MARCHF1: variants seen among roughly 807,000 people sequenced by gnomAD.
The protein encoded by MARCHF1 is E3 ubiquitin-protein ligase MARCHF1.
In MARCHF1, 40 loss-of-function variants were observed where a neutral mutation model predicts 54.2. That is an observed-to-expected ratio of 0.74 (90% CI 0.57 to 0.96). The LOEUF is 0.96. Ranked by LOEUF, MARCHF1 falls within the 40% of genes least tolerant of loss-of-function variation. The pLI, the probability that MARCHF1 is intolerant of heterozygous loss-of-function variation, is 0.00. For missense variants in MARCHF1, 586 were observed against 656.5 expected (o/e 0.89, Z 1.17); for synonymous variants, 236 against 236.3 (o/e 1.00, Z 0.01).
chr4:163,780,882 T>C (rs1193623420), intron 4 of MARCHF1, among the ~76,000 whole-genome samples: 3 of 152,148 alleles, frequency 2.0e-5, no homozygotes, highest in Admixed American at 6.5e-5. Flanking sequence ...TCACACCTCA[T>C]TGACTGTTGA....
chr4:163,727,746 C>T (rs1184469499), intron 4 of MARCHF1, among the ~76,000 whole-genome samples: 2 of 152,014 alleles, frequency 1.3e-5, no homozygotes, highest in Non-Finnish European at 2.9e-5. Context: ...AATCATGGCT[C>T]ATTGCAACCT....
intron 3 of MARCHF1, among the ~76,000 whole-genome samples, chr4:163,941,753 TATATCAC>T (rs1751917146): frequency 6.6e-6 from 1 of 152,166 alleles, no homozygotes; most frequent in Non-Finnish European, 1.5e-5. Context: ...TAAGAGTGTT[TATATCAC>T]AGAGTTGTTG....
intron 1 of MARCHF1, among the ~76,000 whole-genome samples, chr4:164,151,517 G>C (rs1483672098): frequency 1.3e-5 from 2 of 152,052 alleles, no homozygotes; most frequent in Non-Finnish European, 2.9e-5. Flanking sequence ...TGTTGTACTT[G>C]TCTCAGACTA....
chr4:163,914,949 C>A (rs561827117), intron 3 of MARCHF1, among the ~76,000 whole-genome samples: 1 of 152,224 alleles, frequency 6.6e-6, no homozygotes, highest in African/African-American at 2.4e-5. Context: ...CTGGGGCATA[C>A]TGGGGCAGGG....
chr4:163,847,782 T>C (rs1393214299), intron 4 of MARCHF1, among the ~76,000 whole-genome samples: 6 of 151,958 alleles, frequency 3.9e-5, no homozygotes, highest in Non-Finnish European at 8.8e-5. Context: ...GATTTCACCA[T>C]GTTGGCCAGG....
At chr4:163,681,515 G>T (rs1744102598) in intron 5 of MARCHF1, among the ~76,000 whole-genome samples, 1 of 152,156 alleles carries the variant, frequency 6.6e-6, no homozygotes, top group African/African-American at 2.4e-5. Flanking sequence ...AAGCACCCAT[G>T]ACATATAATT....
chr4:163,768,922 T>C (rs1446797041), intron 4 of MARCHF1, among the ~76,000 whole-genome samples: 1 of 152,154 alleles, frequency 6.6e-6, no homozygotes, highest in Non-Finnish European at 1.5e-5. Flanking sequence ...AACCATTATA[T>C]GTCAAATATC....
chr4:164,247,418 G>A (rs1383803574), intron 1 of MARCHF1, among the ~76,000 whole-genome samples: 2 of 151,250 alleles, frequency 1.3e-5, no homozygotes, highest in Non-Finnish European at 2.9e-5. Flanking sequence ...GAGATCACAT[G>A]GACACAGGAA....
intron 1 of MARCHF1, among the ~76,000 whole-genome samples, chr4:164,142,329 G>C (rs1756566204): frequency 6.6e-6 from 1 of 152,140 alleles, no homozygotes; most frequent in African/African-American, 2.4e-5. Context: ...CACAGCTCAA[G>C]GAGGCCTGCC....
At chr4:163,901,761 C>T (rs1347975732) in intron 3 of MARCHF1, among the ~76,000 whole-genome samples, 2 of 152,110 alleles carry the variant, frequency 1.3e-5, no homozygotes, top group Admixed American at 6.6e-5. Flanking sequence ...TTTATGGAAA[C>T]AACCAAGGCA....
chr4:164,084,719 G>C (rs1376705437), intron 2 of MARCHF1, among the ~76,000 whole-genome samples: 1 of 82,052 alleles, frequency 1.2e-5, no homozygotes, highest in Non-Finnish European at 3.7e-5. Flanking sequence ...ACACTGCAAA[G>C]TAAGCAATGT....
chr4:164,188,609 G>C lies in MARCHF1; in HGVS notation c.-322-76947C>G, dbSNP rs115703013. 2,705 of 897,384 alleles carry C rather than the reference G, an allele frequency of 3.0e-3. 57 individuals are homozygous for C. In the African/African-American group the frequency reaches 0.038, roughly 13 times the overall value. The allele number at this position is 897,384 out of a possible 1,614,324, so 55.6% of individuals were successfully genotyped here. On this transcript the variant is annotated intron_variant, in intron 1 of 9. Transcript: ENST00000514618. ...TCTTGAAGGGGAATATCTGATCGGC[G>C]ATGCCGCCACGAACCAGCTCACCTC...
At chr4:163,745,499 G>T (rs1370007712) in intron 4 of MARCHF1, among the ~76,000 whole-genome samples, 1 of 152,110 alleles carries the variant, frequency 6.6e-6, no homozygotes, top group East Asian at 1.9e-4. Flanking sequence ...TCTGAATGAG[G>T]TCATCATGCT....
intron 1 of MARCHF1, among the ~76,000 whole-genome samples, chr4:164,379,251 G>A (rs1042404869): frequency 7.2e-5 from 11 of 152,124 alleles, no homozygotes; most frequent in Admixed American, 2.0e-4. Context: ...ACCTGTGGAT[G>A]AGCAGTATAA....
intron 2 of MARCHF1, among the ~76,000 whole-genome samples, chr4:164,035,595 G>T (rs1753975037): frequency 6.9e-6 from 1 of 144,956 alleles, no homozygotes. Flanking sequence ...GAAAATATTT[G>T]TATTTTCATG....
chr4:164,305,248 C>T (rs904973798), intron 1 of MARCHF1, among the ~76,000 whole-genome samples: 13 of 151,962 alleles, frequency 8.6e-5, no homozygotes, highest in East Asian at 1.9e-4. Context: ...ATGCAACATA[C>T]GTATAGATAT....
chr4:163,950,006 G>C (rs1252135466), intron 3 of MARCHF1, among the ~76,000 whole-genome samples: 1 of 152,210 alleles, frequency 6.6e-6, no homozygotes, highest in Non-Finnish European at 1.5e-5. Context: ...AGGAGAGGAA[G>C]TGTGTGCTGA....
intron 2 of MARCHF1, among the ~76,000 whole-genome samples, chr4:164,040,102 AT>A (rs1386049178): frequency 4.1e-5 from 6 of 145,526 alleles, no homozygotes; most frequent in Non-Finnish European, 9.0e-5. Context: ...ATATAAGTAT[AT>A]TTTTCAATTA....
At chr4:164,236,808 C>T (rs903032131) in intron 1 of MARCHF1, among the ~76,000 whole-genome samples, 1 of 152,132 alleles carries the variant, frequency 6.6e-6, no homozygotes, top group Non-Finnish European at 1.5e-5. Context: ...ATTTGGAACA[C>T]CTTTCAAGTA....
Sources: allele counts gnomAD v4.1 joint callset (sites outside exome capture counted in the v4.1 genomes callset), GRCh38; gene constraint gnomAD v4.1.1; transcripts MANE v1.5; gene names NCBI Gene and HGNC (gene_info 2026-07-23, HGNC 2026-07-21).